PDE4D: variants seen among roughly 807,000 people sequenced by gnomAD.
PDE4D encodes the protein phosphodiesterase 4D, also known as 3',5'-cyclic-AMP phosphodiesterase 4D.
PDE4D carries 24 observed loss-of-function variants against 87.4 expected under a neutral mutation model. The observed-to-expected ratio is 0.27, with a 90% confidence interval of 0.20 to 0.39. The LOEUF is 0.39. PDE4D is among the 10% of genes least tolerant of loss of function. The pLI, the probability that PDE4D is intolerant of heterozygous loss-of-function variation, is 1.00. For missense variants in PDE4D, 714 were observed against 1,041.0 expected, an observed-to-expected ratio of 0.69 and a Z score of 4.32; for synonymous variants, 384 against 383.2, an observed-to-expected ratio of 1.00 and a Z score of -0.02.
At chr5:60,503,134 A>G (rs897294279) in intron 1 of PDE4D, among the ~76,000 whole-genome samples, 42 of 152,144 alleles carry the variant, frequency 2.8e-4, no homozygotes, top group Non-Finnish European at 4.4e-5. Flanking sequence ...AAAGATAGCC[A>G]TACTAGTATC....
intron 1 of PDE4D, among the ~76,000 whole-genome samples, chr5:59,890,262 C>T (rs1005668242): frequency 7.0e-5 from 4 of 57,356 alleles, no homozygotes; most frequent in Non-Finnish European, 1.2e-4. Flanking sequence ...CGTACACACA[C>T]ACACACACAC....
At chr5:59,705,422 G>A (rs767230298) in intron 1 of PDE4D, among the ~76,000 whole-genome samples, 1 of 152,024 alleles carries the variant, frequency 6.6e-6, no homozygotes, top group Non-Finnish European at 1.5e-5. Flanking sequence ...AGGCAAGCCT[G>A]AAATGCAAAC....
intron 2 of PDE4D, among the ~76,000 whole-genome samples, chr5:60,047,516 T>G (rs889299923): frequency 6.6e-6 from 1 of 152,210 alleles, no homozygotes; most frequent in East Asian, 1.9e-4. Flanking sequence ...GTGCTATAAA[T>G]TTCCCTCTAC....
intron 2 of PDE4D, among the ~76,000 whole-genome samples, chr5:60,020,056 T>C (rs183529184): frequency 3.2e-4 from 48 of 152,274 alleles, no homozygotes; most frequent in African/African-American, 1.0e-3. Context: ...GAGGCCATTG[T>C]AGGATTATTA....
chr5:59,325,393 T>C (rs999027005), intron 1 of PDE4D, among the ~76,000 whole-genome samples: 2 of 152,166 alleles, frequency 1.3e-5, no homozygotes, highest in Non-Finnish European at 2.9e-5. Flanking sequence ...AACAGGAATT[T>C]CAAGAATAGC....
In PDE4D at chr5:59,070,698, C is replaced by CT. The variant is rs575087737; in HGVS notation, c.809-31728dup. The stretch of plus-strand genomic sequence containing the variant: ...TTCTTTGTTTTCCTTCTTGAAAATT[C>CT]TTGTCTTTTGTTAGTTTCTTTGTTC... On this transcript the variant is annotated intron_variant, in intron 5 of 14. Transcript: ENST00000340635. 2.7e-4 allele frequency among the ~76,000 whole-genome samples: 41 copies of CT among 152,162 alleles called. No individual in the cohort carries two copies. The East Asian group carries it at 7.5e-3, about 28-fold the overall frequency.
At chr5:59,041,846 A>T (rs2153396627) in intron 5 of PDE4D, among the ~76,000 whole-genome samples, 1 of 152,322 alleles carries the variant, frequency 6.6e-6, no homozygotes, top group Non-Finnish European at 1.5e-5. Flanking sequence ...AATGTGGAAA[A>T]TAATTCAGGA....
intron 5 of PDE4D, among the ~76,000 whole-genome samples, chr5:59,046,278 G>T (rs186362598): frequency 3.5e-4 from 53 of 152,310 alleles, no homozygotes; most frequent in Middle Eastern, 3.4e-3. Flanking sequence ...ATGTATGTGT[G>T]TGCATGTGTG....
chr5:59,515,871 G>A (rs1055828191), intron 1 of PDE4D, among the ~76,000 whole-genome samples: 5 of 152,182 alleles, frequency 3.3e-5, no homozygotes, highest in Admixed American at 6.5e-5. Flanking sequence ...AACACTACCA[G>A]TCAGTGGAAA....
At chr5:59,349,874 C>A (rs1044455466) in intron 1 of PDE4D, among the ~76,000 whole-genome samples, 2 of 152,054 alleles carry the variant, frequency 1.3e-5, no homozygotes, top group Non-Finnish European at 2.9e-5. Flanking sequence ...AGTTTGTAAT[C>A]TTTCTGCCTG....
At chr5:60,512,507 G>A (rs888439443) in intron 1 of PDE4D, among the ~76,000 whole-genome samples, 1 of 151,980 alleles carries the variant, frequency 6.6e-6, no homozygotes, top group Non-Finnish European at 1.5e-5. Context: ...AAAAAAAGAA[G>A]TATGGGTTTG....
At chr5:58,979,306 A>T (rs1165839173) in intron 11 of PDE4D, among the ~76,000 whole-genome samples, 1 of 152,202 alleles carries the variant, frequency 6.6e-6, no homozygotes, top group African/African-American at 2.4e-5. Context: ...CAGATTGGCT[A>T]GAAAAGCCAG....
intron 1 of PDE4D, among the ~76,000 whole-genome samples, chr5:60,248,379 A>G (rs1468155066): frequency 6.6e-6 from 1 of 152,090 alleles, no homozygotes. Context: ...GGTCAGGGCC[A>G]GGCCCAAGAA....
intron 2 of PDE4D, among the ~76,000 whole-genome samples, chr5:60,136,573 C>G (rs1177287346): frequency 6.6e-6 from 1 of 152,150 alleles, no homozygotes; most frequent in Admixed American, 6.6e-5. Flanking sequence ...CCTTGGCCTA[C>G]CAAAGTGCTG....
chr5:60,291,524 C>T (rs966884921), intron 1 of PDE4D, among the ~76,000 whole-genome samples: 2 of 150,954 alleles, frequency 1.3e-5, no homozygotes, highest in African/African-American at 2.4e-5. Context: ...TACAATATAA[C>T]GAACAAATAT....
rs558857152 is a variant in PDE4D, at chr5:60,352,570, C to A, written c.-90+135372G>T. Among the ~76,000 whole-genome samples the A allele has an allele frequency of 4.6e-5, 7 of 152,296 alleles. No homozygotes were observed. In the East Asian group the frequency reaches 1.3e-3, roughly 29 times the overall value. On this transcript the variant is annotated intron_variant, in intron 1 of 16. Coordinates refer to the PDE4D transcript ENST00000502484. ...TGCCTTCAGCCATAGAAATAAGCAGCCTTAGACATTAGCTAGAATATTGGT... is the reference window on the plus strand; with the variant it reads ...TGCCTTCAGCCATAGAAATAAGCAGACTTAGACATTAGCTAGAATATTGGT...
intron 5 of PDE4D, among the ~76,000 whole-genome samples, chr5:59,130,137 AG>A (rs1776071623): frequency 6.6e-6 from 1 of 152,202 alleles, no homozygotes; most frequent in South Asian, 2.1e-4. Context: ...TCTAGTGAAA[AG>A]CTAAGCCAAA....
intron 1 of PDE4D, among the ~76,000 whole-genome samples, chr5:60,331,827 C>A (rs1024503959): frequency 2.6e-5 from 4 of 152,204 alleles, no homozygotes; most frequent in African/African-American, 7.2e-5. Flanking sequence ...GTCTTTCTAC[C>A]AGACTATTTC....
intron 1 of PDE4D, among the ~76,000 whole-genome samples, chr5:59,364,231 G>A (rs991858336): frequency 2.0e-5 from 3 of 152,154 alleles, no homozygotes; most frequent in African/African-American, 4.8e-5. Flanking sequence ...ACTGGTTCTG[G>A]TTTTTGCTTT....
Sources: gnomAD v4.1 joint callset for allele counts (sites outside exome capture counted in the v4.1 genomes callset) on GRCh38, gnomAD v4.1.1 for gene constraint, MANE v1.5 for transcripts, NCBI Gene and HGNC (gene_info 2026-07-23, HGNC 2026-07-21) for gene names.